Variants in NSD1 observed in about 807,000 individuals in gnomAD.
NSD1 encodes histone-lysine N-methyltransferase, H3 lysine-36 specific.
In NSD1, 26 loss-of-function variants were observed where a neutral mutation model predicts 242.7. The ratio of observed to expected loss-of-function variants is 0.11; its 90% CI spans 0.08 to 0.15. The LOEUF (loss-of-function observed/expected upper bound fraction) is 0.15. Ranked by LOEUF, NSD1 falls within the 10% of genes least tolerant of loss-of-function variation. The pLI, the probability that NSD1 is intolerant of heterozygous loss-of-function variation, is 1.00. For synonymous variants in NSD1, 1,106 were observed against 1,178.1 expected, an observed-to-expected ratio of 0.94 and a Z score of 1.25; for missense variants, 2,495 against 3,272.8, an observed-to-expected ratio of 0.76 and a Z score of 5.80.
chr5:177,208,373 A>G (rs1763061820), intron 4 of NSD1, among the ~76,000 whole-genome samples: 1 of 152,182 alleles, frequency 6.6e-6, no homozygotes, highest in African/African-American at 2.4e-5. Context: ...TTGATTAGCC[A>G]GGTGGCTAGT....
intron 5 of NSD1, among the ~76,000 whole-genome samples, chr5:177,233,525 TGCCTG>T (rs1353340688): frequency 7.0e-6 from 1 of 142,202 alleles, no homozygotes; most frequent in Non-Finnish European, 1.5e-5. Flanking sequence ...TGAGCCACCA[TGCCTG>T]GCTAGTATTT....
chr5:177,152,283 G>A (rs1342721201), intron 2 of NSD1, among the ~76,000 whole-genome samples: 1 of 151,874 alleles, frequency 6.6e-6, no homozygotes, highest in African/African-American at 2.4e-5. Flanking sequence ...TGGGATTACA[G>A]GTGTGAGCCA....
chr5:177,289,929 G>A (rs1246885440), intron 21 of NSD1, among the ~76,000 whole-genome samples: 4 of 151,148 alleles, frequency 2.6e-5, no homozygotes, highest in African/African-American at 4.9e-5. Flanking sequence ...CCGGGTTCAC[G>A]CCATTCTCCT....
intron 2 of NSD1, among the ~76,000 whole-genome samples, chr5:177,149,517 T>C (rs1017685597): frequency 1.3e-5 from 2 of 152,040 alleles, no homozygotes; most frequent in Non-Finnish European, 2.9e-5. Context: ...GTGGATTCCA[T>C]GCAGAGAGAG....
In NSD1 at chr5:177,211,960, T is replaced by C. The variant is rs773283312; in HGVS notation, c.3561T>C (p.Phe1187=). 2.5e-6 allele frequency: 4 copies of C among 1,609,716 alleles called. No homozygotes were observed. The highest frequency in any genetic ancestry group is 2.5e-6 in the Non-Finnish European group (3 of 1,177,378). Reference sequence around the variant, plus strand: ...AGAAAGAAAACTCTGAGTGTGCCTTTAGGGTCTTACTTCCTAGTGACCCTG... The same window carrying C: ...AGAAAGAAAACTCTGAGTGTGCCTTCAGGGTCTTACTTCCTAGTGACCCTG... ...FKEKENSECA[F]RVLLPSDPVQ... is the part of the protein sequence containing the mutation. Residue 1187 remains phenylalanine, a synonymous_variant, in exon 5 of 23, where the codon TTT becomes TTC. Transcript: ENST00000439151.
At position 177,299,865 on chromosome 5, in the gene NSD1, T is replaced by A. The variant is rs1241966629; in HGVS notation, c.*4406T>A. The stretch of plus-strand genomic sequence containing the variant: ...TGGGGCAGGCCAGAGCAAGGCGGTC[T>A]CATCGAGGTGGGTGCTACCTGTGTG... On this transcript the variant is annotated 3_prime_UTR_variant, in exon 23 of 23. Coordinates refer to ENST00000439151, the MANE Select transcript of NSD1 (RefSeq NM_022455.5). 1.3e-5 allele frequency: 3 copies of A among 233,244 alleles called. No individual in the cohort carries two copies. The highest frequency in any genetic ancestry group is 2.5e-5 in the Non-Finnish European group (3 of 118,140). 14.4% of individuals were successfully genotyped at this position (233,244 alleles called of 1,614,324 possible).
intron 2 of NSD1, among the ~76,000 whole-genome samples, chr5:177,142,532 T>G (rs1756911623): frequency 6.6e-6 from 1 of 152,116 alleles, no homozygotes. Flanking sequence ...TAAGAGGGAA[T>G]AGCATATGCA....
chr5:177,223,086 T>C (rs1034808649), intron 5 of NSD1, among the ~76,000 whole-genome samples: 2 of 150,248 alleles, frequency 1.3e-5, no homozygotes, highest in Middle Eastern at 3.4e-3. Context: ...TTTTTCTTTT[T>C]TTTTTTTTTC....
chr5:177,134,376 A>AGGCGGC lies in NSD1; in HGVS notation c.-18+432_-18+437dup, dbSNP rs897731501. ...CTGCGGGAAGGAGCGCGGCCCGGGCAGGCGGCGGCGGCGTCGGCAGCAGCC... is the reference window on the plus strand; with the variant it reads ...CTGCGGGAAGGAGCGCGGCCCGGGCAGGCGGCGGCGGCGGCGGCGTCGGCAGCAGCC... On this transcript the variant is annotated intron_variant, in intron 1 of 22. Coordinates refer to ENST00000439151, the MANE Select transcript of NSD1 (RefSeq NM_022455.5). The surrounding 1 kb of genome is among the most constrained non-coding windows in gnomAD (Gnocchi z 4.2). 2 of 152,654 alleles carry AGGCGGC rather than the reference A, an allele frequency of 1.3e-5. No homozygotes were observed. Among genetic ancestry groups the AGGCGGC allele is most frequent in the Admixed American group, 6.6e-5 (1 of 15,260 alleles). The allele number at this position is 152,654 out of a possible 1,614,324, so 9.5% of individuals were successfully genotyped here.
chr5:177,184,115 T>C (rs1325132214), intron 2 of NSD1, among the ~76,000 whole-genome samples: 1 of 152,224 alleles, frequency 6.6e-6, no homozygotes, highest in Non-Finnish European at 1.5e-5. Flanking sequence ...AAATGTCTAT[T>C]TGAAATACTG....
chr5:177,287,175 C>G (rs1393835825), intron 20 of NSD1, among the ~76,000 whole-genome samples: 1 of 152,208 alleles, frequency 6.6e-6, no homozygotes, highest in Non-Finnish European at 1.5e-5. Context: ...CTGATACTTT[C>G]TGATTTAATT....
intron 5 of NSD1, among the ~76,000 whole-genome samples, chr5:177,218,228 T>C (rs1299594444): frequency 6.6e-6 from 1 of 152,158 alleles, no homozygotes. Context: ...TGTAATTTTT[T>C]GTTGAAACAA....
chr5:177,239,632 C>G, intron 7 of NSD1, 124 bp from the exon 8 acceptor site: 1 of 641,858 alleles, frequency 1.6e-6, no homozygotes, highest in East Asian at 2.8e-5. Flanking sequence ...CCTGCCTCTT[C>G]CCATAAGATG....
At chr5:177,265,327 C>A in intron 14 of NSD1, 1 of 618,736 alleles carries the variant, frequency 1.6e-6, no homozygotes, top group Non-Finnish European at 2.9e-6. Context: ...TATAAAGTGC[C>A]AACAGAAGTA....
chr5:177,247,968 A>T, intron 10 of NSD1: 1 of 985,442 alleles, frequency 1.0e-6, no homozygotes. Context: ...AGTGGAACAA[A>T]CAGCCTCAGA....
At chr5:177,283,764 T>G (rs777255756) in intron 19 of NSD1, 23 bp from the exon 20 acceptor site, 44 of 1,613,688 alleles carry the variant, frequency 2.7e-5, no homozygotes, top group Non-Finnish European at 3.6e-5. Flanking sequence ...AAGTCTGATG[T>G]GTAGCTTCTT....
intron 5 of NSD1, among the ~76,000 whole-genome samples, chr5:177,231,844 C>T (rs1383093750): frequency 6.6e-6 from 1 of 152,122 alleles, no homozygotes; most frequent in African/African-American, 2.4e-5. Context: ...CTTTTGCATA[C>T]ATGACATACA....
intron 12 of NSD1, among the ~76,000 whole-genome samples, chr5:177,256,380 T>C (rs1756465202): frequency 1.4e-5 from 2 of 144,542 alleles, no homozygotes; most frequent in Admixed American, 1.5e-4. Context: ...CCTTCCAGGC[T>C]CAAGCAATCC....
chr5:177,241,957 A>G (rs1328989081), intron 8 of NSD1, among the ~76,000 whole-genome samples: 1 of 152,172 alleles, frequency 6.6e-6, no homozygotes, highest in Non-Finnish European at 1.5e-5. Flanking sequence ...GTATATCCAC[A>G]CTAGACTATA....
Sources: gnomAD v4.1 joint callset for allele counts (sites outside exome capture counted in the v4.1 genomes callset) on GRCh38, gnomAD v4.1.1 for gene constraint, Gnocchi (gnomAD v3.1) non-coding constraint, MANE v1.5 for transcripts, NCBI Gene and HGNC (gene_info 2026-07-23, HGNC 2026-07-21) for gene names.